Variants in ERN2 observed in about 807,000 individuals in gnomAD.
ERN2 encodes serine/threonine-protein kinase/endoribonuclease IRE2.
A neutral mutation model predicts 107.9 loss-of-function variants in ERN2; 111 were observed. That is an observed-to-expected ratio of 1.03 (90% confidence interval 0.88 to 1.20). ERN2 has a LOEUF of 1.20. ERN2 is among the 50% of genes most tolerant of loss of function. The pLI, the probability that ERN2 is intolerant of heterozygous loss-of-function variation, is 0.00. For synonymous variants in ERN2, 524 were observed against 501.7 expected (o/e 1.04, Z -0.59); for missense variants, 1,225 against 1,197.9 (o/e 1.02, Z -0.33).
intron 13 of ERN2, among the ~76,000 whole-genome samples, chr16:23,699,238 A>G (rs1359218397): frequency 1.3e-5 from 2 of 152,204 alleles, no homozygotes; most frequent in Non-Finnish European, 2.9e-5. Context: ...AGAGGCGGAC[A>G]TTGCGAACAG....
Position 23,705,101 on chromosome 16 carries a change from C to T in ERN2, c.636G>A (p.Val212=). Reference sequence around the variant, plus strand: ...ACAGCACCGTCCCGCTTCCTGGGTCCACAGTGAGCAGCAGGCCCATCCCGC... The same window carrying T: ...ACAGCACCGTCCCGCTTCCTGGGTCTACAGTGAGCAGCAGGCCCATCCCGC... The part of the protein sequence containing the change: ...ASCGMGLLLT[V]DPGSGTVLWT... Residue 212 remains valine, a synonymous_variant, in exon 8 of 22, where the codon GTG becomes GTA. Transcript: ENST00000256797. 6.2e-7 allele frequency: 1 copy of T among 1,613,902 alleles called. No homozygotes were observed.
At chr16:23,706,703 G>T in intron 6 of ERN2, 51 bp downstream of exon 6, 1 of 1,299,216 alleles carries the variant, frequency 7.7e-7, no homozygotes, top group Non-Finnish European at 1.1e-6. Flanking sequence ...TCTCAGCAGA[G>T]CAAAAGGGGA....
chr16:23,713,029 T>C, intron 1 of ERN2, 66 bp downstream of exon 1: 1 of 1,279,504 alleles, frequency 7.8e-7, no homozygotes, highest in Non-Finnish European at 1.0e-6. Context: ...TCGCCCCAAG[T>C]GCGACGCCGC....
In ERN2 at chr16:23,690,869, C is replaced by G; in HGVS notation, c.2743G>C (p.Glu915Gln). ...LFLPYYPPDS[E>Q]ARRPCPGATG... is the part of the protein sequence containing the mutation. The stretch of plus-strand genomic sequence containing the variant: ...GCCCCAGGGCATGGCCTCCTGGCCT[C>G]TGAGTCTGGCGGGTAGTAGGGCAGG... Residue 915 changes from glutamate (E) to glutamine (Q), a missense_variant, in exon 22 of 22, where the codon GAG (glutamate) becomes CAG (glutamine). Glu to Gln is a conservative substitution (Grantham distance 29, BLOSUM62 2). Coordinates refer to ENST00000256797, the MANE Select transcript of ERN2 (RefSeq NM_033266.4). 1 of 1,613,692 alleles carries G rather than the reference C, an allele frequency of 6.2e-7. No homozygotes were observed. The highest frequency in any genetic ancestry group is 8.5e-7 in the Non-Finnish European group (1 of 1,180,048).
chr16:23,696,038 C>A, intron 13 of ERN2, 60 bp from the exon 14 acceptor site: 1 of 1,255,818 alleles, frequency 8.0e-7, no homozygotes, highest in Non-Finnish European at 1.2e-6. Context: ...GGCCACTGGC[C>A]CAGTCCAGAC....
intron 4 of ERN2, chr16:23,709,264 C>T (rs770601003): frequency 4.6e-6 from 2 of 437,194 alleles, no homozygotes; most frequent in African/African-American, 4.1e-5. Flanking sequence ...TACCACTGCA[C>T]TCCAGCCTGG....
rs1157106839 is a variant in ERN2 at position 23,706,749 on chromosome 16, C to G, written c.487+5G>C. On this transcript the variant is annotated splice_donor_5th_base_variant and intron_variant, in intron 6 of 21. Transcript: ENST00000256797. ...AGCTTGAGGAACAGCTGGGGCCCAA[C>G]TCACGTGTTCGGCCAATGTAGAGGC... 1 of 1,595,022 alleles carries G rather than the reference C, an allele frequency of 6.3e-7. No individual in the cohort carries two copies. The highest frequency in any genetic ancestry group is 1.1e-5 in the South Asian group (1 of 89,822).
At chr16:23,693,742 C>T (rs1472933074) in intron 17 of ERN2, among the ~76,000 whole-genome samples, 1 of 152,134 alleles carries the variant, frequency 6.6e-6, no homozygotes, top group Non-Finnish European at 1.5e-5. Flanking sequence ...GGTGACTGTC[C>T]TTTTGTGTGA....
At chr16:23,702,367 C>A in intron 10 of ERN2, 23 bp downstream of exon 10, 1 of 1,611,072 alleles carries the variant, frequency 6.2e-7, no homozygotes, top group Non-Finnish European at 8.5e-7. Flanking sequence ...CATCTACTCC[C>A]AATTTGAGCC....
In ERN2 at chr16:23,698,288, A is replaced by T. The variant is rs192053547; in HGVS notation, c.1525+2251T>A. On this transcript the variant is annotated intron_variant, in intron 13 of 21. Coordinates refer to ENST00000256797, the MANE Select transcript of ERN2 (RefSeq NM_033266.4). ...TTAGCTTTGTGAGCCGGGGGTAAGG[A>T]TGGGAGTTGTCACTAGACCTTTCTG... 2.0e-3 allele frequency among the ~76,000 whole-genome samples: 298 copies of T among 152,314 alleles called. 4 individuals carry two copies. Among genetic ancestry groups the T allele is most frequent in the East Asian group, 6.4e-3 (33 of 5,182 alleles).
chr16:23,696,079 C>A, intron 13 of ERN2, 101 bp from the exon 14 acceptor site: 1 of 829,170 alleles, frequency 1.2e-6, no homozygotes, highest in Non-Finnish European at 2.0e-6. Context: ...CCTCCACCCT[C>A]CCATGCTCAG....
Position 23,713,127 on chromosome 16 carries a change from C to A in ERN2, c.61G>T (p.Ala21Ser), listed in dbSNP as rs371828865. The stretch of plus-strand genomic sequence containing the variant: ...CTCAGCGTCCCGAGCAGCAGCGCCG[C>A]GAACTGGAGCTGGAGCCCCAGCCGG... ...WPRLGLQLQF[A>S]ALLLGTLSPQ... The change falls in exon 1 of 22, where the codon GCG becomes TCG. Residue 21 changes from alanine (A) to serine (S), a missense_variant. By Grantham distance (99) the Ala-to-Ser change is moderately conservative (BLOSUM62 1). Coordinates refer to ENST00000256797, the MANE Select transcript of ERN2 (RefSeq NM_033266.4). 16 of 1,575,648 alleles carry A rather than the reference C, an allele frequency of 1.0e-5. No individual in the cohort carries two copies. In the African/African-American group the frequency reaches 2.0e-4, roughly 20 times the overall value.
At position 23,694,995 on chromosome 16, in the gene ERN2, G is replaced by A. The variant is rs560964340; in HGVS notation, c.1900+24C>T. ...AAGGCAGGGGCTAAGGACAGGGAGC[G>A]GGAGGCAGGGGAAGTGCGGGTACCT... On this transcript the variant is annotated intron_variant, in intron 16 of 21. Coordinates refer to ENST00000256797, the MANE Select transcript of ERN2 (RefSeq NM_033266.4). 38 of 1,612,798 alleles carry A rather than the reference G, an allele frequency of 2.4e-5. No individual in the cohort carries two copies. In the East Asian group the frequency reaches 5.1e-4, roughly 22 times the overall value.
rs1959560458 is a variant in ERN2 at position 23,690,920 on chromosome 16, T to C, written c.2692A>G (p.Arg898Gly). 6.2e-7 allele frequency: 1 copy of C among 1,613,928 alleles called. No homozygotes were observed. Among genetic ancestry groups the C allele is most frequent in the Non-Finnish European group, 8.5e-7 (1 of 1,180,030 alleles). The change falls in exon 22 of 22, where the codon AGG becomes GGG. Residue 898 changes from arginine (R) to glycine (G), a missense_variant. By Grantham distance (125) the Arg-to-Gly change is moderately radical. Coordinates refer to ENST00000256797, the MANE Select transcript of ERN2 (RefSeq NM_033266.4). Reference protein sequence around the residue: ...RLLLHTHRAMRSCASESLFLP... With the variant: ...RLLLHTHRAMGSCASESLFLP... ...AAGAGGCTCTCAGAGGCGCAGCTCC[T>C]CATGGCTCGGTGCGTGTGGAGGAGC...
chr16:23,701,697 A>G (rs545760324), intron 11 of ERN2, among the ~76,000 whole-genome samples: 57 of 150,492 alleles, frequency 3.8e-4, no homozygotes, highest in African/African-American at 1.4e-3. Flanking sequence ...TGGTGTGACC[A>G]TAGCTCACTG....
In ERN2 at chr16:23,695,394, A is replaced by G. The variant is rs774049602; in HGVS notation, c.1611-5T>C. 2.5e-6 allele frequency: 4 copies of G among 1,584,436 alleles called. No individual in the cohort carries two copies. The highest frequency in any genetic ancestry group is 4.6e-5 in the East Asian group (2 of 43,368). ...GCCCGTCCCTCAAACTGTCCCCTGG[A>G]AAGTGGGTGATGGCGGGGGCAGGGG... On this transcript the variant is annotated splice_region_variant and splice_polypyrimidine_tract_variant and intron_variant, in intron 14 of 21. Transcript: ENST00000256797.
At position 23,695,364 on chromosome 16, in the gene ERN2, C is replaced by T; in HGVS notation, c.1636G>A (p.Ala546Thr). ...FRGQFEGRAV[A>T]VKRLLRECFG... The stretch of plus-strand genomic sequence containing the variant: ...CACTCGCGGAGGAGCCGCTTGACAG[C>T]CACTGCCCGTCCCTCAAACTGTCCC... The change falls in exon 15 of 22, where the codon GCT becomes ACT. Residue 546 changes from alanine to threonine, a missense_variant. Coordinates refer to ENST00000256797, the MANE Select transcript of ERN2 (RefSeq NM_033266.4). The T allele has an allele frequency of 6.2e-7, 1 of 1,603,190 alleles. No homozygotes were observed. Among genetic ancestry groups the T allele is most frequent in the Non-Finnish European group, 8.5e-7 (1 of 1,174,826 alleles).
At chr16:23,702,787 T>G in intron 8 of ERN2, 85 bp from the exon 9 acceptor site, 1 of 1,159,444 alleles carries the variant, frequency 8.6e-7, no homozygotes, top group Non-Finnish European at 1.3e-6. Flanking sequence ...CCCTTGTATA[T>G]TTCCCTCTCA....
intron 7 of ERN2, among the ~76,000 whole-genome samples, chr16:23,705,838 C>T (rs927873168): frequency 2.0e-5 from 3 of 152,070 alleles, no homozygotes; most frequent in Non-Finnish European, 4.4e-5. Context: ...CACTTCAGCC[C>T]AGGAGTTGGA....
Sources: gnomAD v4.1 joint callset for allele counts (sites outside exome capture counted in the v4.1 genomes callset) on GRCh38, gnomAD v4.1.1 for gene constraint, MANE v1.5 for transcripts, NCBI Gene and HGNC (gene_info 2026-07-23, HGNC 2026-07-21) for gene names.